Variants in GABRB3 observed in about 807,000 individuals in gnomAD.
GABRB3 encodes gamma-aminobutyric acid type A receptor subunit beta3.
GABRB3 carries 14 observed loss-of-function variants against 52.1 expected under a neutral mutation model. That is an observed-to-expected ratio of 0.27 (90% CI 0.18 to 0.42). The LOEUF (loss-of-function observed/expected upper bound fraction) is 0.42. Among genes scored for constraint, GABRB3 ranks in the 10% least tolerant of loss-of-function variants. The pLI, the probability that GABRB3 is intolerant of heterozygous loss-of-function variation, is 1.00. For synonymous variants in GABRB3, 260 were observed against 232.3 expected (o/e 1.12, Z -1.08); for missense variants, 307 against 609.1 (o/e 0.50, Z 5.22).
chr15:26,666,792 CAG>C (rs1887726554), intron 3 of GABRB3: 1 of 152,242 alleles, frequency 6.6e-6, no homozygotes, highest in African/African-American at 2.4e-5. Context: ...CACATTTAGC[CAG>C]AGTTGCTCTC....
intron 3 of GABRB3, among the ~76,000 whole-genome samples, chr15:26,635,404 T>G (rs1200351252): frequency 6.6e-6 from 1 of 152,064 alleles, no homozygotes; most frequent in African/African-American, 2.4e-5. Flanking sequence ...TGTTCTTAAA[T>G]AGTGATGGTC....
At chr15:26,644,826 C>T (rs1893306217) in intron 3 of GABRB3, among the ~76,000 whole-genome samples, 1 of 152,160 alleles carries the variant, frequency 6.6e-6, no homozygotes, top group African/African-American at 2.4e-5. Flanking sequence ...CAAGGTGGGT[C>T]CACATGAGAA....
intron 3 of GABRB3, among the ~76,000 whole-genome samples, chr15:26,705,202 G>A (rs1215965739): frequency 6.6e-6 from 1 of 152,130 alleles, no homozygotes; most frequent in African/African-American, 2.4e-5. Context: ...ATCTGTTAAG[G>A]GCTTTCCTGC....
chr15:26,647,891 C>T (rs1040812751), intron 3 of GABRB3, among the ~76,000 whole-genome samples: 2 of 152,178 alleles, frequency 1.3e-5, no homozygotes, highest in Non-Finnish European at 1.5e-5. Context: ...CGGTGGCCCA[C>T]AGCCTTCTCA....
At chr15:26,683,598 A>G (rs1888307974) in intron 3 of GABRB3, among the ~76,000 whole-genome samples, 1 of 152,204 alleles carries the variant, frequency 6.6e-6, no homozygotes, top group South Asian at 2.1e-4. Flanking sequence ...AACCTGATCT[A>G]TGTCAGATGT....
At chr15:26,681,724 G>A (rs1161872793) in intron 3 of GABRB3, among the ~76,000 whole-genome samples, 1 of 152,168 alleles carries the variant, frequency 6.6e-6, no homozygotes, top group Admixed American at 6.5e-5. Context: ...CACTCCAGAA[G>A]GCCAAGGTGG....
chr15:26,730,817 C>T (rs926009089), intron 3 of GABRB3, among the ~76,000 whole-genome samples: 1 of 152,222 alleles, frequency 6.6e-6, no homozygotes, highest in Admixed American at 6.5e-5. Context: ...TCCAAATACA[C>T]TTCAGTTTCC....
intron 3 of GABRB3, among the ~76,000 whole-genome samples, chr15:26,698,477 C>T (rs1888816635): frequency 6.6e-6 from 1 of 151,904 alleles, no homozygotes; most frequent in Non-Finnish European, 1.5e-5. Flanking sequence ...TACTGCTCTG[C>T]AAACATAAAC....
chr15:26,690,696 G>A (rs2140663856), intron 3 of GABRB3, among the ~76,000 whole-genome samples: 1 of 151,958 alleles, frequency 6.6e-6, no homozygotes, highest in South Asian at 2.1e-4. Context: ...TGTTTGTGCT[G>A]TACCCAGCAC....
intron 3 of GABRB3, among the ~76,000 whole-genome samples, chr15:26,632,967 C>G (rs1270544049): frequency 6.6e-6 from 1 of 152,092 alleles, no homozygotes; most frequent in Non-Finnish European, 1.5e-5. Context: ...GAAAAAGGAC[C>G]CTCTTTATTA....
At position 26,583,396 on chromosome 15, in the gene GABRB3, T is replaced by A; in HGVS notation, c.480A>T (p.Ala160=). 1 of 1,613,976 alleles carries A rather than the reference T, an allele frequency of 6.2e-7. No individual in the cohort carries two copies. The highest frequency in any genetic ancestry group is 8.5e-7 in the Non-Finnish European group (1 of 1,179,900). The change falls in exon 5 of 9, where the codon GCA becomes GCT. Residue 160 remains alanine, a synonymous_variant. Coordinates refer to ENST00000311550, the MANE Select transcript of GABRB3 (RefSeq NM_000814.6). ...GGTATCTCCTGAGGTCCATCATGCA[T>A]GCTGCTGTCGTGGTGATTCTGAAAT... is the stretch of plus-strand genomic sequence containing the variant. ...LYGLRITTTA[A]CMMDLRRYPL...
At chr15:26,636,827 C>T (rs1566786163) in intron 3 of GABRB3, among the ~76,000 whole-genome samples, 1 of 152,180 alleles carries the variant, frequency 6.6e-6, no homozygotes, top group East Asian at 1.9e-4. Flanking sequence ...CTTCATCAAT[C>T]TGTCTGAAAT....
At chr15:26,613,577 A>C (rs935022608) in intron 4 of GABRB3, 22 of 152,230 alleles carry the variant, frequency 1.4e-4, no homozygotes, top group African/African-American at 5.1e-4. Context: ...AATGGAATTC[A>C]AAGTTAACTC....
chr15:26,768,976 T>C (rs980569404), intron 3 of GABRB3, among the ~76,000 whole-genome samples: 2 of 152,198 alleles, frequency 1.3e-5, no homozygotes, highest in Non-Finnish European at 2.9e-5. Context: ...TGATGAGATA[T>C]GCATTTACAT....
chr15:26,556,265 G>T (rs1246057731), intron 8 of GABRB3, among the ~76,000 whole-genome samples: 1 of 152,160 alleles, frequency 6.6e-6, no homozygotes, highest in Non-Finnish European at 1.5e-5. Context: ...AGCACAGAGA[G>T]ATTTTTTGTT....
chr15:26,598,388 G>A (rs1891470764), intron 4 of GABRB3, among the ~76,000 whole-genome samples: 1 of 152,192 alleles, frequency 6.6e-6, no homozygotes, highest in Admixed American at 6.5e-5. Flanking sequence ...ACCAAGTGGT[G>A]GAATAGGATG....
chr15:26,607,161 G>A (rs1335929317), intron 4 of GABRB3, among the ~76,000 whole-genome samples: 1 of 152,004 alleles, frequency 6.6e-6, no homozygotes, highest in Non-Finnish European at 1.5e-5. Context: ...TGACCATGAG[G>A]CACCCCTGGA....
Position 26,546,183 on chromosome 15 carries a change from T to A in GABRB3, c.*1610A>T, listed in dbSNP as rs1032017413. 2 of 152,578 alleles carry A rather than the reference T, an allele frequency of 1.3e-5. No individual in the cohort carries two copies. The highest frequency in any genetic ancestry group is 4.1e-4 in the South Asian group (2 of 4,828). 9.5% of individuals were successfully genotyped at this position (152,578 alleles called of 1,614,324 possible). A position where few individuals can be genotyped will look rare whatever the true frequency, so the allele number is the denominator to read the frequency against. ...TAATTTAGCAGTTCTTCCTGCAAAT[T>A]TTGCTTTTTATTTTTTTCTCCAAAT... On this transcript the variant is annotated 3_prime_UTR_variant, in exon 9 of 9. Transcript: ENST00000311550.
intron 3 of GABRB3, among the ~76,000 whole-genome samples, chr15:26,635,019 A>ATATATATATT (rs1893017985): frequency 7.5e-6 from 1 of 132,456 alleles, no homozygotes; most frequent in Non-Finnish European, 1.6e-5. Context: ...TAATATATAT[A>ATATATATATT]TATTTAGAGA....
Sources: gnomAD v4.1 joint callset for allele counts (sites outside exome capture counted in the v4.1 genomes callset) on GRCh38, gnomAD v4.1.1 for gene constraint, MANE v1.5 for transcripts, NCBI Gene and HGNC (gene_info 2026-07-23, HGNC 2026-07-21) for gene names.